Variants in MAF observed in about 807,000 individuals in gnomAD.
The protein encoded by MAF is MAF bZIP transcription factor.
A neutral mutation model predicts 22.0 loss-of-function variants in MAF; 10 were observed. That is an observed-to-expected ratio of 0.45 (90% CI 0.28 to 0.77). The LOEUF is 0.77. Among genes scored for constraint, MAF ranks in the 30% least tolerant of loss-of-function variants. The pLI, the probability that MAF is intolerant of heterozygous loss-of-function variation, is 0.12. For synonymous variants in MAF, 337 were observed against 255.8 expected (o/e 1.32, Z -3.03); for missense variants, 544 against 548.4 (o/e 0.99, Z 0.08).
the MAF span, among the ~76,000 whole-genome samples, chr16:79,217,093 A>T: frequency 2.6e-5 from 4 of 152,236 alleles, no homozygotes; most frequent in African/African-American, 9.6e-5. Context: ...TACAGGCATG[A>T]GCCATCGCAC....
the MAF span, among the ~76,000 whole-genome samples, chr16:79,358,098 C>T: frequency 1.9e-4 from 29 of 152,338 alleles, no homozygotes; most frequent in East Asian, 7.7e-4. Context: ...GGCACAGTCA[C>T]GGCACATCAC....
At chr16:79,447,420 C>T in the MAF span, among the ~76,000 whole-genome samples, 2 of 151,786 alleles carry the variant, frequency 1.3e-5, no homozygotes, top group African/African-American at 4.8e-5. Flanking sequence ...TGGAGATGTA[C>T]AAGGTGATGG....
the MAF span, among the ~76,000 whole-genome samples, chr16:79,565,510 G>C: frequency 3.3e-5 from 5 of 152,046 alleles, no homozygotes; most frequent in Admixed American, 6.5e-5. Context: ...GTGTTGTGGG[G>C]GGGGGGACCA....
At chr16:79,435,309 A>G in the MAF span, among the ~76,000 whole-genome samples, 1 of 152,342 alleles carries the variant, frequency 6.6e-6, no homozygotes, top group Admixed American at 6.5e-5. Flanking sequence ...GCACATATAT[A>G]CACAGATTCT....
chr16:79,451,021 A>G, the MAF span, among the ~76,000 whole-genome samples: 1 of 152,122 alleles, frequency 6.6e-6, no homozygotes, highest in Non-Finnish European at 1.5e-5. Flanking sequence ...ACACAAGGTA[A>G]TCTTACCTGT....
chr16:79,275,629 C>T, the MAF span, among the ~76,000 whole-genome samples: 102,702 of 152,048 alleles, frequency 0.68, 35,623 homozygotes, highest in Non-Finnish European at 0.75. Context: ...AAACATTCTG[C>T]CCCATTGTCA....
the MAF span, among the ~76,000 whole-genome samples, chr16:79,446,665 T>A: frequency 6.6e-6 from 1 of 151,922 alleles, no homozygotes; most frequent in Non-Finnish European, 1.5e-5. Flanking sequence ...GCACTCTCAG[T>A]GCTTTGGGAG....
the MAF span, among the ~76,000 whole-genome samples, chr16:79,442,780 C>A: frequency 7.2e-5 from 11 of 152,190 alleles, no homozygotes; most frequent in Non-Finnish European, 1.5e-5. Context: ...CTTGGAAACA[C>A]AAGAAGGTGT....
chr16:79,556,486 C>A, the MAF span, among the ~76,000 whole-genome samples: 4 of 152,140 alleles, frequency 2.6e-5, no homozygotes, highest in African/African-American at 9.7e-5. Context: ...ACAATAATAA[C>A]CCTGCAGAAG....
chr16:79,486,738 T>A, the MAF span, among the ~76,000 whole-genome samples: 3 of 152,222 alleles, frequency 2.0e-5, no homozygotes, highest in African/African-American at 7.2e-5. Flanking sequence ...GACCACTAGC[T>A]TTCCTCTGTA....
chr16:79,432,265 G>A, the MAF span, among the ~76,000 whole-genome samples: 2 of 152,110 alleles, frequency 1.3e-5, no homozygotes, highest in African/African-American at 4.8e-5. Flanking sequence ...ATGATTGTAA[G>A]TTTCCTGAGG....
chr16:79,397,271 G>A, the MAF span, among the ~76,000 whole-genome samples: 1 of 152,092 alleles, frequency 6.6e-6, no homozygotes, highest in African/African-American at 2.4e-5. Context: ...TTGCCCAAGA[G>A]GGGGAAAAAA....
the MAF span, among the ~76,000 whole-genome samples, chr16:79,420,094 A>T: frequency 2.0e-5 from 3 of 152,054 alleles, no homozygotes; most frequent in South Asian, 6.2e-4. Context: ...GCCAGCACCT[A>T]CAAAACTGCA....
the MAF span, among the ~76,000 whole-genome samples, chr16:79,303,385 AAAGG>A: frequency 6.6e-6 from 1 of 152,328 alleles, no homozygotes; most frequent in South Asian, 2.1e-4. Flanking sequence ...GTGGGAAGTT[AAAGG>A]CACTGCCTAC....
the MAF span, among the ~76,000 whole-genome samples, chr16:79,359,495 G>A: frequency 2.0e-5 from 3 of 152,212 alleles, no homozygotes. Context: ...GCCACATCAA[G>A]CTAATGCTTA....
At chr16:79,225,736 C>A in the MAF span, among the ~76,000 whole-genome samples, 16 of 152,322 alleles carry the variant, frequency 1.1e-4, no homozygotes, top group Non-Finnish European at 1.6e-4. Context: ...ACAGACACTT[C>A]TCAAAAGAAG....
At chr16:79,233,560 A>C in the MAF span, among the ~76,000 whole-genome samples, 1 of 152,090 alleles carries the variant, frequency 6.6e-6, no homozygotes, top group Non-Finnish European at 1.5e-5. Context: ...CAAATACATC[A>C]ATGGGCTAAG....
the MAF span, among the ~76,000 whole-genome samples, chr16:79,365,275 A>C: frequency 3.7e-4 from 57 of 152,212 alleles, no homozygotes; most frequent in African/African-American, 1.3e-3. Flanking sequence ...GCTATCGTGC[A>C]CTCTCACAAC....
the MAF span, among the ~76,000 whole-genome samples, chr16:79,293,837 AAGAGAGAGAGAGAG>A: frequency 2.0e-4 from 29 of 148,422 alleles, no homozygotes; most frequent in East Asian, 4.0e-4. Context: ...TCTAAATGAA[AAGAGAGAGAGAGAG>A]AGAGAGAGAG....
Sources: allele counts gnomAD v4.1 joint callset (sites outside exome capture counted in the v4.1 genomes callset), GRCh38; gene constraint gnomAD v4.1.1; transcripts MANE v1.5; gene names NCBI Gene and HGNC (gene_info 2026-07-23, HGNC 2026-07-21).